Variants in PLA2G4A observed in about 807,000 individuals in gnomAD.
The protein encoded by PLA2G4A is cytosolic phospholipase A2.
Under a neutral mutation model 81.9 loss-of-function variants are expected in PLA2G4A, and 40 were observed. The ratio of observed to expected loss-of-function variants is 0.49; its 90% CI spans 0.38 to 0.64. The LOEUF is 0.64. PLA2G4A is among the 30% of genes least tolerant of loss of function. The probability of loss-of-function intolerance (pLI) is 0.00; values close to 1 mark genes in which losing one functional copy is unlikely to be tolerated. For synonymous variants in PLA2G4A, 302 were observed against 296.9 expected, an observed-to-expected ratio of 1.02 and a Z score of -0.18; for missense variants, 715 against 905.1, an observed-to-expected ratio of 0.79 and a Z score of 2.69.
intron 7 of PLA2G4A, among the ~76,000 whole-genome samples, chr1:186,927,305 G>A (rs12720578): frequency 0.03 from 4,607 of 152,270 alleles, 104 homozygotes; most frequent in Non-Finnish European, 0.046. Context: ...TATGAGAAGA[G>A]GGCTGAGATC....
intron 3 of PLA2G4A, among the ~76,000 whole-genome samples, chr1:186,884,272 T>A (rs1653848919): frequency 6.7e-6 from 1 of 150,044 alleles, no homozygotes; most frequent in Admixed American, 6.7e-5. Flanking sequence ...TTTTTTTTTT[T>A]AGTGAAGTGT....
At chr1:186,873,977 A>G (rs1489899767) in intron 3 of PLA2G4A, among the ~76,000 whole-genome samples, 1 of 152,108 alleles carries the variant, frequency 6.6e-6, no homozygotes, top group Non-Finnish European at 1.5e-5. Flanking sequence ...GGCAGTTTGA[A>G]GTTCACATTT....
At chr1:186,851,416 G>A (rs540068164) in intron 1 of PLA2G4A, among the ~76,000 whole-genome samples, 2 of 152,052 alleles carry the variant, frequency 1.3e-5, no homozygotes, top group South Asian at 4.1e-4. Context: ...AATATGGATG[G>A]TAAAGATGAA....
intron 7 of PLA2G4A, among the ~76,000 whole-genome samples, chr1:186,932,294 C>CTTTTTTTTT (rs67757094): frequency 1.4e-5 from 2 of 138,560 alleles, no homozygotes; most frequent in African/African-American, 2.6e-5. Flanking sequence ...TTTTCTTTTT[C>CTTTTTTTTT]TTTTTTTTTT....
At chr1:186,862,749 T>C (rs1307646917) in intron 2 of PLA2G4A, among the ~76,000 whole-genome samples, 5 of 152,154 alleles carry the variant, frequency 3.3e-5, no homozygotes, top group Admixed American at 1.3e-4. Flanking sequence ...CAAATAAATA[T>C]GACTTCCCCA....
chr1:186,988,485 T>C lies in PLA2G4A; in HGVS notation c.2227T>C (p.Phe743Leu), dbSNP rs753490896. 1.5e-5 allele frequency: 24 copies of C among 1,612,386 alleles called. No individual in the cohort carries two copies. The East Asian group carries it at 5.1e-4, about 35-fold the overall frequency. ...GGCAAGAAGATTTTTCAACAAGGAGTTTCTAAGTAAACCCAAAGCATAGTT... is the reference window on the plus strand; with the variant it reads ...GGCAAGAAGATTTTTCAACAAGGAGCTTCTAAGTAAACCCAAAGCATAGTT... Reference protein sequence around the residue: ...VEARRFFNKEFLSKPKA With the variant: ...VEARRFFNKELLSKPKA Residue 743 changes from phenylalanine to leucine, a missense_variant, in exon 18 of 18, where the codon TTT becomes CTT. By Grantham distance (22) the Phe-to-Leu change is conservative. Coordinates refer to ENST00000367466, the MANE Select transcript of PLA2G4A (RefSeq NM_024420.3).
chr1:186,863,112 C>A (rs1571344114), intron 2 of PLA2G4A, among the ~76,000 whole-genome samples: 1 of 152,026 alleles, frequency 6.6e-6, no homozygotes, highest in Non-Finnish European at 1.5e-5. Flanking sequence ...TTACCATTTT[C>A]TTTTTTAAAG....
chr1:186,941,544 G>A (rs562132955), intron 10 of PLA2G4A, among the ~76,000 whole-genome samples: 55 of 152,138 alleles, frequency 3.6e-4, no homozygotes, highest in Non-Finnish European at 5.4e-4. Context: ...GAAGAAAAAC[G>A]AAAACCTCAT....
intron 17 of PLA2G4A, among the ~76,000 whole-genome samples, chr1:186,981,825 C>T (rs1411716766): frequency 6.6e-6 from 1 of 152,150 alleles, no homozygotes; most frequent in African/African-American, 2.4e-5. Context: ...CCAAAGTAGG[C>T]TAACTCATCT....
intron 2 of PLA2G4A, among the ~76,000 whole-genome samples, chr1:186,857,511 A>G (rs1280426765): frequency 7.2e-6 from 1 of 139,492 alleles, no homozygotes; most frequent in African/African-American, 2.7e-5. Context: ...TATATATAAT[A>G]TATAATATAA....
intron 13 of PLA2G4A, 34 bp from the exon 14 acceptor site, chr1:186,956,068 G>C (rs760588505): frequency 6.3e-7 from 1 of 1,598,274 alleles, no homozygotes; most frequent in Non-Finnish European, 8.6e-7. Context: ...CATGTATTTT[G>C]GAGTCTGTAT....
At position 186,982,489 on chromosome 1, in the gene PLA2G4A, C is replaced by A. The variant is rs553469759; in HGVS notation, c.2118+3017C>A. On this transcript the variant is annotated intron_variant, in intron 17 of 17. Coordinates refer to ENST00000367466, the MANE Select transcript of PLA2G4A (RefSeq NM_024420.3). Reference sequence around the variant, plus strand: ...CTATACATGTCCTTATCTTGTACCCCTGAAGGTCCATGGGGATTACACCCA... The same window carrying A: ...CTATACATGTCCTTATCTTGTACCCATGAAGGTCCATGGGGATTACACCCA... 2.0e-5 allele frequency among the ~76,000 whole-genome samples: 3 copies of A among 152,330 alleles called. No individual in the cohort carries two copies. The East Asian group carries it at 5.8e-4, about 29-fold the overall frequency.
At chr1:186,974,158 C>T (rs1657452802) in intron 15 of PLA2G4A, among the ~76,000 whole-genome samples, 1 of 151,676 alleles carries the variant, frequency 6.6e-6, no homozygotes, top group East Asian at 1.9e-4. Context: ...CATATATATG[C>T]TATCATACTG....
chr1:186,830,138 G>A (rs1363448369), intron 1 of PLA2G4A, among the ~76,000 whole-genome samples: 1 of 152,080 alleles, frequency 6.6e-6, no homozygotes, highest in Non-Finnish European at 1.5e-5. Flanking sequence ...ATAAGAAACA[G>A]GTATTTACTT....
At chr1:186,850,278 A>G (rs1351335461) in intron 1 of PLA2G4A, among the ~76,000 whole-genome samples, 2 of 152,130 alleles carry the variant, frequency 1.3e-5, no homozygotes, top group South Asian at 2.1e-4. Flanking sequence ...GGTTTGCAGT[A>G]AATAGATATA....
At chr1:186,830,465 G>A (rs563680255) in intron 1 of PLA2G4A, among the ~76,000 whole-genome samples, 138 of 151,770 alleles carry the variant, frequency 9.1e-4, no homozygotes, top group Middle Eastern at 3.4e-3. Flanking sequence ...AAAACTAGCC[G>A]GACGTGGTGG....
At chr1:186,912,444 C>T (rs1379390474) in intron 7 of PLA2G4A, among the ~76,000 whole-genome samples, 1 of 151,968 alleles carries the variant, frequency 6.6e-6, no homozygotes, top group Non-Finnish European at 1.5e-5. Context: ...TCCTAGAAAT[C>T]CTCTGTGCTC....
intron 12 of PLA2G4A, among the ~76,000 whole-genome samples, chr1:186,949,393 A>AAC (rs56811165): frequency 4.0e-5 from 1 of 25,028 alleles, no homozygotes; most frequent in Non-Finnish European, 6.4e-5. Context: ...GAAAGAAAAA[A>AAC]GAAAAAGAAA....
chr1:186,957,008 G>T (rs1248316592), intron 14 of PLA2G4A, among the ~76,000 whole-genome samples: 3 of 151,836 alleles, frequency 2.0e-5, no homozygotes, highest in Non-Finnish European at 4.4e-5. Flanking sequence ...GGACAACATG[G>T]TGAAACCCCG....
Sources: allele counts gnomAD v4.1 joint callset (sites outside exome capture counted in the v4.1 genomes callset), GRCh38; gene constraint gnomAD v4.1.1; transcripts MANE v1.5; gene names NCBI Gene and HGNC (gene_info 2026-07-23, HGNC 2026-07-21).